The following IPO11 variants were observed in gnomAD, a reference collection of about 807,000 sequenced individuals.
IPO11 encodes importin 11, also known as importin-11.
A neutral mutation model predicts 143.2 loss-of-function variants in IPO11; 66 were observed. The observed-to-expected ratio is 0.46, with a 90% confidence interval of 0.38 to 0.57. The LOEUF is 0.57. IPO11 is among the 20% of genes least tolerant of loss of function. IPO11 has a pLI of 0.00. For synonymous variants in IPO11, 385 were observed against 377.8 expected, an observed-to-expected ratio of 1.02 and a Z score of -0.22; for missense variants, 1,026 against 1,141.0, an observed-to-expected ratio of 0.90 and a Z score of 1.45.
At chr5:62,428,575 G>A (rs760213611) in intron 1 of IPO11, among the ~76,000 whole-genome samples, 4 of 151,878 alleles carry the variant, frequency 2.6e-5, no homozygotes, top group Admixed American at 6.6e-5. Context: ...AACTCCTGAC[G>A]TCGTGATCCA....
At chr5:62,414,185 G>T (rs1743213267) in intron 1 of IPO11, among the ~76,000 whole-genome samples, 1 of 152,170 alleles carries the variant, frequency 6.6e-6, no homozygotes, top group Non-Finnish European at 1.5e-5. Context: ...ATCATTAATA[G>T]AACAATTTTT....
intron 22 of IPO11, among the ~76,000 whole-genome samples, chr5:62,532,210 T>TG (rs1343991189): frequency 1.1e-4 from 16 of 152,168 alleles, no homozygotes; most frequent in Non-Finnish European, 2.9e-5. Flanking sequence ...CTAAGAGTGA[T>TG]GGGAGAGGGA....
chr5:62,415,647 T>C (rs1743267107), intron 1 of IPO11, among the ~76,000 whole-genome samples: 2 of 151,926 alleles, frequency 1.3e-5, no homozygotes, highest in Non-Finnish European at 2.9e-5. Flanking sequence ...TTTGTATTTT[T>C]AGTAGAGACG....
chr5:62,439,289 T>G (rs1331030512), intron 2 of IPO11, among the ~76,000 whole-genome samples: 1 of 136,246 alleles, frequency 7.3e-6, no homozygotes, highest in African/African-American at 2.8e-5. Flanking sequence ...CGTAGGTTTT[T>G]TTTTTTTTTT....
chr5:62,586,092 T>C (rs1242203737), intron 27 of IPO11, among the ~76,000 whole-genome samples: 3 of 152,162 alleles, frequency 2.0e-5, no homozygotes, highest in Non-Finnish European at 2.9e-5. Flanking sequence ...ATGAGAAAGA[T>C]GCCAGTGTAC....
chr5:62,524,567 T>G lies in IPO11; in HGVS notation c.1897-1575T>G, dbSNP rs540680697. 4.6e-5 allele frequency among the ~76,000 whole-genome samples: 7 copies of G among 152,250 alleles called. No homozygotes were observed. The East Asian group carries it at 1.4e-3, about 29-fold the overall frequency. On this transcript the variant is annotated intron_variant, in intron 20 of 29. Transcript: ENST00000325324. ...TTGAAGTGAGTTTTAAGGCCCAATA[T>G]GTACTACTCTGTTAAATAATGGCAT...
chr5:62,585,172 A>G (rs952212116), intron 27 of IPO11, among the ~76,000 whole-genome samples: 4 of 152,110 alleles, frequency 2.6e-5, no homozygotes, highest in South Asian at 2.1e-4. Flanking sequence ...TATATTTTCT[A>G]TGATACACAA....
chr5:62,439,347 G>C (rs1304964423), intron 2 of IPO11, among the ~76,000 whole-genome samples: 1 of 147,650 alleles, frequency 6.8e-6, no homozygotes, highest in South Asian at 2.2e-4. Context: ...AGTGCAGTGG[G>C]GTGATCTAGG....
intron 7 of IPO11, among the ~76,000 whole-genome samples, chr5:62,472,686 C>A (rs190955904): frequency 1.4e-3 from 212 of 152,088 alleles, no homozygotes; most frequent in African/African-American, 4.9e-3. Flanking sequence ...TGCCACCATG[C>A]CCAGCTAAGT....
chr5:62,477,525 T>C (rs1746003741), intron 9 of IPO11, among the ~76,000 whole-genome samples: 1 of 152,224 alleles, frequency 6.6e-6, no homozygotes, highest in Non-Finnish European at 1.5e-5. Context: ...TTGTTCCAAG[T>C]AGCCTCAACA....
intron 2 of IPO11, among the ~76,000 whole-genome samples, chr5:62,439,277 T>C (rs1223242618): frequency 6.8e-6 from 1 of 148,040 alleles, no homozygotes; most frequent in African/African-American, 2.5e-5. Flanking sequence ...TAATACTAAC[T>C]GCGTAGGTTT....
intron 29 of IPO11, among the ~76,000 whole-genome samples, chr5:62,617,079 C>G (rs1355065567): frequency 6.6e-6 from 1 of 152,168 alleles, no homozygotes; most frequent in African/African-American, 2.4e-5. Context: ...ACTTGAGATT[C>G]TCATAAGATT....
At chr5:62,568,523 G>A (rs1005950185) in intron 27 of IPO11, among the ~76,000 whole-genome samples, 2 of 122,878 alleles carry the variant, frequency 1.6e-5, no homozygotes, top group Non-Finnish European at 3.1e-5. Context: ...GCAGTGGGTC[G>A]AGATTGTGCT....
intron 25 of IPO11, among the ~76,000 whole-genome samples, chr5:62,550,665 C>T (rs1743358229): frequency 6.6e-6 from 1 of 152,136 alleles, no homozygotes; most frequent in Admixed American, 6.5e-5. Flanking sequence ...GTCTTTCAAA[C>T]ATATGCATGT....
intron 29 of IPO11, among the ~76,000 whole-genome samples, chr5:62,605,263 G>A (rs1270534236): frequency 6.6e-6 from 1 of 152,192 alleles, no homozygotes; most frequent in Non-Finnish European, 1.5e-5. Context: ...GAGAATAGCA[G>A]TAGTGATTGT....
chr5:62,429,587 C>CGTGTGTGTGTGTGTGT (rs56185914), intron 1 of IPO11, among the ~76,000 whole-genome samples: 6 of 128,502 alleles, frequency 4.7e-5, no homozygotes, highest in African/African-American at 1.5e-4. Context: ...GTCTGATTTT[C>CGTGTGTGTGTGTGTGT]GTGTGTGTGT....
chr5:62,453,298 C>T (rs1187034452), intron 5 of IPO11, among the ~76,000 whole-genome samples: 3 of 151,100 alleles, frequency 2.0e-5, no homozygotes, highest in African/African-American at 7.4e-5. Context: ...TTTCCTAGAC[C>T]TCCTTCTGAC....
In IPO11 at chr5:62,537,311, AAT is replaced by A. The variant is rs1410173516; in HGVS notation, c.2250+27_2250+28del. ...CAAGGTATTGTGATCATTTTAAATG[AAT>A]ATATTTATGAATTTTTCATTTATAT... On this transcript the variant is annotated intron_variant, in intron 24 of 29. Transcript: ENST00000325324. 3 of 1,374,774 alleles carry A rather than the reference AAT, an allele frequency of 2.2e-6. No homozygotes were observed. The Admixed American group carries it at 5.6e-5, about 25-fold the overall frequency. 85.2% of individuals were successfully genotyped at this position (1,374,774 alleles called of 1,614,324 possible).
rs369944580 is a variant in IPO11, at chr5:62,547,703, C to T, written c.2251-2664C>T. 6.6e-5 allele frequency among the ~76,000 whole-genome samples: 10 copies of T among 152,048 alleles called. No individual in the cohort carries two copies. The East Asian group carries it at 1.7e-3, about 26-fold the overall frequency. On this transcript the variant is annotated intron_variant, in intron 24 of 29. Transcript: ENST00000325324. ...TGCTTTATGTGGGGATTATTTAATC[C>T]TTACATTAATTCTAAGTACTCCCTT...
Sources: gnomAD v4.1 joint callset for allele counts (sites outside exome capture counted in the v4.1 genomes callset) on GRCh38, gnomAD v4.1.1 for gene constraint, MANE v1.5 for transcripts, NCBI Gene and HGNC (gene_info 2026-07-23, HGNC 2026-07-21) for gene names.